Variants in COL4A1 observed in about 807,000 individuals in gnomAD.
COL4A1 encodes the protein collagen alpha-1(IV) chain.
In COL4A1, 40 loss-of-function variants were observed where a neutral mutation model predicts 216.6. The observed-to-expected ratio is 0.18, with a 90% CI of 0.14 to 0.24. COL4A1 has a LOEUF of 0.24. Ranked by LOEUF, COL4A1 falls within the 10% of genes least tolerant of loss-of-function variation. The probability of loss-of-function intolerance (pLI) is 1.00; values close to 1 mark genes in which losing one functional copy is unlikely to be tolerated. For synonymous variants in COL4A1, 839 were observed against 810.7 expected, an observed-to-expected ratio of 1.03 and a Z score of -0.59; for missense variants, 1,628 against 2,196.8, an observed-to-expected ratio of 0.74 and a Z score of 5.18.
chr13:110,219,888 GTGTGTA>G lies in COL4A1; in HGVS notation c.145-5879_145-5874del, dbSNP rs1566386043. ...TGTGTGTGTATATATGTATATATAT[GTGTGTA>G]TATATATGTATATATATGTGTGTAT... On this transcript the variant is annotated intron_variant, in intron 2 of 51. Transcript: ENST00000375820. 3.5e-4 allele frequency among the ~76,000 whole-genome samples: 28 copies of G among 81,008 alleles called. 1 individual carries two copies. The highest frequency in any genetic ancestry group is 6.2e-4 in the Non-Finnish European group (23 of 37,232). 53.1% of individuals were successfully genotyped at this position (81,008 alleles called of 152,430 possible).
intron 15 of COL4A1, 74 bp from the exon 16 acceptor site, chr13:110,205,612 C>G: frequency 6.5e-7 from 1 of 1,549,254 alleles, no homozygotes; most frequent in East Asian, 2.3e-5. Flanking sequence ...CCTGTAATCC[C>G]AGCACTTTGG....
chr13:110,169,523 C>T, intron 43 of COL4A1, 106 bp downstream of exon 43: 2 of 1,552,508 alleles, frequency 1.3e-6, no homozygotes, highest in Non-Finnish European at 1.7e-6. Flanking sequence ...CACACACACA[C>T]ACATATATAT....
chr13:110,180,762 C>T (rs1458626860), intron 29 of COL4A1, among the ~76,000 whole-genome samples: 1 of 152,190 alleles, frequency 6.6e-6, no homozygotes, highest in Non-Finnish European at 1.5e-5. Context: ...GTGACATTTG[C>T]CAATGTCTGG....
chr13:110,174,390 TC>T, intron 39 of COL4A1, 55 bp downstream of exon 39: 1 of 1,594,822 alleles, frequency 6.3e-7, no homozygotes, highest in Non-Finnish European at 8.6e-7. Context: ...GGGCCTCCCA[TC>T]CCCTGGCCAC....
intron 22 of COL4A1, among the ~76,000 whole-genome samples, chr13:110,194,366 G>A (rs560935608): frequency 4.8e-4 from 73 of 152,264 alleles, no homozygotes; most frequent in African/African-American, 1.5e-3. Context: ...TCCTACTCTC[G>A]GGTTACTAAC....
At chr13:110,282,629 T>C (rs1368478279) in intron 1 of COL4A1, among the ~76,000 whole-genome samples, 1 of 152,190 alleles carries the variant, frequency 6.6e-6, no homozygotes, top group Admixed American at 6.5e-5. Context: ...TGAGATGAAG[T>C]GCTCTCACAT....
chr13:110,286,391 C>A (rs1883845330), intron 1 of COL4A1, among the ~76,000 whole-genome samples: 1 of 152,194 alleles, frequency 6.6e-6, no homozygotes, highest in Non-Finnish European at 1.5e-5. Context: ...GATGGCCATG[C>A]CTGGAGGGGC....
chr13:110,209,529 T>A, intron 10 of COL4A1, 102 bp from the exon 11 acceptor site: 1 of 902,390 alleles, frequency 1.1e-6, no homozygotes, highest in Non-Finnish European at 1.8e-6. Context: ...GTCAACATGA[T>A]AATTTATTTG....
At chr13:110,218,090 G>T (rs190526485) in intron 2 of COL4A1, among the ~76,000 whole-genome samples, 10 of 152,284 alleles carry the variant, frequency 6.6e-5, no homozygotes, top group Admixed American at 5.9e-4. Flanking sequence ...ACCCAGGACA[G>T]CTGAAGTTAA....
chr13:110,243,379 G>A lies in COL4A1; in HGVS notation c.85-645C>T, dbSNP rs150719072. On this transcript the variant is annotated intron_variant, in intron 1 of 51. Transcript: ENST00000375820. Reference sequence around the variant, plus strand: ...GTTGCCCAGGCTGGAGTGCAATGGCGTGATCTTGGCACACTGCAACCTCCA... The same window carrying A: ...GTTGCCCAGGCTGGAGTGCAATGGCATGATCTTGGCACACTGCAACCTCCA... Among the ~76,000 whole-genome samples the A allele has an allele frequency of 2.4e-3, 363 of 151,766 alleles. 1 individual carries two copies. The highest frequency in any genetic ancestry group is 8.3e-3 in the African/African-American group (343 of 41,338).
rs907958200 is a variant in COL4A1, at chr13:110,268,172, G to A, written c.85-25438C>T. On this transcript the variant is annotated intron_variant, in intron 1 of 51. Transcript: ENST00000375820. The surrounding 1 kb of genome is among the most constrained non-coding windows in gnomAD (Gnocchi z 4.1). ...GTCAACCCCTAGCATATAAAGACAA[G>A]GGGCCAGGTTCAGCAGGGCCGATGC... 2.6e-5 allele frequency among the ~76,000 whole-genome samples: 4 copies of A among 152,214 alleles called. No individual in the cohort carries two copies. The highest frequency in any genetic ancestry group is 4.4e-5 in the Non-Finnish European group (3 of 68,040).
chr13:110,164,971 G>A lies in COL4A1; in HGVS notation c.4041C>T (p.Gly1347=), dbSNP rs754285681. The A allele has an allele frequency of 3.7e-6, 6 of 1,605,110 alleles. No individual in the cohort carries two copies. The highest frequency in any genetic ancestry group is 2.2e-5 in the East Asian group (1 of 44,610). Residue 1347 remains glycine, a synonymous_variant, in exon 46 of 52, where the codon GGC becomes GGT. Coordinates refer to ENST00000375820, the MANE Select transcript of COL4A1 (RefSeq NM_001845.6). ...PGAKGLPGPP[G]PPGPYDIIKG... Reference sequence around the variant, plus strand: ...TGATGATGTCGTAAGGACCTGGGGGGCCAGGAGGACCCGGGAGACCTGTGG... The same window carrying A: ...TGATGATGTCGTAAGGACCTGGGGGACCAGGAGGACCCGGGAGACCTGTGG...
intron 1 of COL4A1, among the ~76,000 whole-genome samples, chr13:110,245,860 T>A (rs1206220440): frequency 3.9e-5 from 6 of 152,058 alleles, no homozygotes; most frequent in Non-Finnish European, 8.8e-5. Flanking sequence ...CCACTTCAGG[T>A]ACTAAGGAAC....
At chr13:110,270,613 T>A (rs1029454787) in intron 1 of COL4A1, among the ~76,000 whole-genome samples, 1 of 152,018 alleles carries the variant, frequency 6.6e-6, no homozygotes, top group Admixed American at 6.5e-5. Context: ...GTGGGGCAGA[T>A]GGGAACGAGG....
At chr13:110,222,282 A>T (rs578131218) in intron 2 of COL4A1, among the ~76,000 whole-genome samples, 25 of 152,256 alleles carry the variant, frequency 1.6e-4, no homozygotes, top group Middle Eastern at 6.8e-3. Flanking sequence ...TCAGACACTG[A>T]ATGATCTGGA....
At chr13:110,287,024 G>A (rs1327612492) in intron 1 of COL4A1, among the ~76,000 whole-genome samples, 2 of 152,190 alleles carry the variant, frequency 1.3e-5, no homozygotes, top group African/African-American at 4.8e-5. Context: ...GAGGCTGAGG[G>A]TGGAGAATGG....
At chr13:110,247,172 T>C (rs927730749) in intron 1 of COL4A1, among the ~76,000 whole-genome samples, 1 of 152,148 alleles carries the variant, frequency 6.6e-6, no homozygotes, top group South Asian at 2.1e-4. Flanking sequence ...CTCTTCCCCA[T>C]AGACCATGTG....
intron 49 of COL4A1, among the ~76,000 whole-genome samples, chr13:110,159,255 C>G (rs941264060): frequency 5.8e-5 from 2 of 34,222 alleles, no homozygotes; most frequent in African/African-American, 9.7e-5. Flanking sequence ...CCCAAGGGAG[C>G]AAAAACTGGT....
At chr13:110,154,915 T>C (rs1268447520) in intron 50 of COL4A1, among the ~76,000 whole-genome samples, 1 of 152,246 alleles carries the variant, frequency 6.6e-6, no homozygotes, top group African/African-American at 2.4e-5. Context: ...AAGCTGGTTG[T>C]ATGGAGAAGC....
Sources: gnomAD v4.1 joint callset for allele counts (sites outside exome capture counted in the v4.1 genomes callset) on GRCh38, gnomAD v4.1.1 for gene constraint, Gnocchi (gnomAD v3.1) non-coding constraint, MANE v1.5 for transcripts, NCBI Gene and HGNC (gene_info 2026-07-23, HGNC 2026-07-21) for gene names.